The following ANKAR variants were observed in gnomAD, a reference collection of about 807,000 sequenced individuals.
The protein encoded by ANKAR is ankyrin and armadillo repeat containing, also known as ankyrin and armadillo repeat-containing protein.
Under a neutral mutation model 146.2 loss-of-function variants are expected in ANKAR, and 136 were observed. The ratio of observed to expected loss-of-function variants is 0.93; its 90% CI spans 0.81 to 1.07. ANKAR has a LOEUF of 1.07. Among genes scored for constraint, ANKAR ranks in the 50% least tolerant of loss-of-function variants. The pLI, the probability that ANKAR is intolerant of heterozygous loss-of-function variation, is 0.00. For missense variants in ANKAR, 1,567 were observed against 1,679.9 expected (o/e 0.93, Z 1.18); for synonymous variants, 500 against 575.8 (o/e 0.87, Z 1.88).
chr2:189,695,017 T>C lies in ANKAR; in HGVS notation c.1344T>C (p.Tyr448=). ...YVIYFELETF[Y]QQLYKTQWWG... is the part of the protein sequence containing the mutation. ...TCTATTTTGAACTAGAAACTTTCTA[T>C]CAGCAACTATATAAGACACAGTGGT... The change falls in exon 6 of 23, where the codon TAT becomes TAC. Residue 448 remains tyrosine, a synonymous_variant. Transcript: ENST00000684021. 6.4e-7 allele frequency: 1 copy of C among 1,561,258 alleles called. No homozygotes were observed. Among genetic ancestry groups the C allele is most frequent in the Non-Finnish European group, 8.7e-7 (1 of 1,154,002 alleles).
chr2:189,724,714 TAGAG>T (rs1363745667), intron 12 of ANKAR, among the ~76,000 whole-genome samples: 3 of 152,152 alleles, frequency 2.0e-5, no homozygotes, highest in Non-Finnish European at 2.9e-5. Flanking sequence ...AAGGCCTTAA[TAGAG>T]AGATAATTAA....
intron 7 of ANKAR, among the ~76,000 whole-genome samples, chr2:189,704,597 A>ATATATATATATATATATAT (rs2038652045): frequency 1.1e-5 from 1 of 93,392 alleles, no homozygotes; most frequent in South Asian, 3.4e-4. Context: ...ATATATATAT[A>ATATATATATATATATATAT]ATTTTAATTT....
intron 7 of ANKAR, among the ~76,000 whole-genome samples, chr2:189,698,868 C>T (rs1371701355): frequency 6.6e-6 from 1 of 151,998 alleles, no homozygotes; most frequent in Admixed American, 6.6e-5. Context: ...GGAACTGGAG[C>T]GGGAAAAAAG....
intron 9 of ANKAR, among the ~76,000 whole-genome samples, chr2:189,710,088 A>G (rs746785487): frequency 3.3e-5 from 5 of 152,196 alleles, no homozygotes; most frequent in Non-Finnish European, 7.3e-5. Flanking sequence ...AGTTTATTAG[A>G]GGTCTCAGGA....
At position 189,743,279 on chromosome 2, in the gene ANKAR, G is replaced by GTGCAGCT. The variant is rs1201602185; in HGVS notation, c.3818_3824dup (p.Ser1277LeufsTer25). The GTGCAGCT allele has an allele frequency of 9.9e-6, 16 of 1,612,818 alleles. No homozygotes were observed. Among genetic ancestry groups the GTGCAGCT allele is most frequent in the Non-Finnish European group, 1.4e-5 (16 of 1,179,304 alleles). On this transcript the variant is annotated frameshift_variant, in exon 21 of 23. Transcript: ENST00000684021. LOFTEE classifies it high-confidence loss of function. The stretch of plus-strand genomic sequence containing the variant: ...AAGAATTGTTTCTTCATTTAGGTTC[G>GTGCAGCT]TGCAGCTTGTTCCTCTGCTCTTGGC...
chr2:189,706,384 TCAACAACAACAA>T (rs529179927), intron 8 of ANKAR, among the ~76,000 whole-genome samples: 3 of 151,096 alleles, frequency 2.0e-5, no homozygotes, highest in African/African-American at 4.9e-5. Flanking sequence ...AGACTCCATC[TCAACAACAACAA>T]CAACAACAAC....
chr2:189,698,195 T>G (rs1465510032), intron 7 of ANKAR, among the ~76,000 whole-genome samples: 1 of 152,216 alleles, frequency 6.6e-6, no homozygotes, highest in Non-Finnish European at 1.5e-5. Context: ...GTATATAATC[T>G]CTAAAATACT....
intron 21 of ANKAR, among the ~76,000 whole-genome samples, chr2:189,743,953 T>C (rs1041932743): frequency 2.6e-5 from 4 of 152,186 alleles, no homozygotes; most frequent in Non-Finnish European, 5.9e-5. Flanking sequence ...TCAGAGGATT[T>C]TGACTCAATG....
intron 18 of ANKAR, among the ~76,000 whole-genome samples, chr2:189,738,215 T>G (rs1390324574): frequency 6.6e-6 from 1 of 152,212 alleles, no homozygotes; most frequent in Non-Finnish European, 1.5e-5. Context: ...ACACTGATCC[T>G]TCAACCTAGT....
intron 18 of ANKAR, among the ~76,000 whole-genome samples, chr2:189,752,485 A>G (rs556232288): frequency 1.3e-5 from 2 of 152,216 alleles, no homozygotes; most frequent in African/African-American, 4.8e-5. Flanking sequence ...CTGTAGCAAA[A>G]ATATTTCTCA....
At chr2:189,744,990 T>TCTTCTACTACTACTACTACTA (rs1553536976) in intron 22 of ANKAR, among the ~76,000 whole-genome samples, 82 of 112,412 alleles carry the variant, frequency 7.3e-4, no homozygotes, top group African/African-American at 3.1e-3. Context: ...AAACCCCATC[T>TCTTCTACTACTACTACTACTA]CTACTACTAC....
chr2:189,745,311 C>G (rs2043994963), intron 22 of ANKAR, among the ~76,000 whole-genome samples: 1 of 152,074 alleles, frequency 6.6e-6, no homozygotes, highest in African/African-American at 2.4e-5. Context: ...TCTGTAAGGC[C>G]TTCCCTATTA....
chr2:189,742,924 AC>A (rs2105900892), intron 20 of ANKAR, among the ~76,000 whole-genome samples: 1 of 100,376 alleles, frequency 1.0e-5, no homozygotes, highest in South Asian at 3.8e-4. Context: ...ACACACACAC[AC>A]ACACACACAC....
intron 20 of ANKAR, among the ~76,000 whole-genome samples, chr2:189,742,606 T>C (rs906986917): frequency 6.6e-6 from 1 of 152,128 alleles, no homozygotes; most frequent in African/African-American, 2.4e-5. Flanking sequence ...AAGATTTCTG[T>C]TACCAAGAGT....
downstream of ANKAR, chr2:189,761,441 G>A: frequency 6.2e-7 from 1 of 1,604,370 alleles, no homozygotes; most frequent in East Asian, 2.2e-5. Context: ...TTCAGTTTGG[G>A]AATGTATTGC....
At chr2:189,695,213 T>C (rs901524512) in intron 6 of ANKAR, 52 bp downstream of exon 6, 2 of 1,414,422 alleles carry the variant, frequency 1.4e-6, no homozygotes, top group Non-Finnish European at 1.9e-6. Flanking sequence ...GTATTATTGA[T>C]AAGTATGTGT....
chr2:189,733,684 C>T (rs59746136), intron 17 of ANKAR, among the ~76,000 whole-genome samples: 1,630 of 152,086 alleles, frequency 0.011, 31 homozygotes, highest in African/African-American at 0.037. Flanking sequence ...CTGGTATATC[C>T]TTCATCTAGT....
At chr2:189,679,936 G>A (rs891044744) in intron 2 of ANKAR, among the ~76,000 whole-genome samples, 1 of 152,094 alleles carries the variant, frequency 6.6e-6, no homozygotes, top group African/African-American at 2.4e-5. Flanking sequence ...TCCTTTCCTG[G>A]TTTGGATATT....
rs2044175262 is a variant in ANKAR at position 189,746,417 on chromosome 2, A to C, written c.4095A>C (p.Gln1365His). 1 of 1,607,146 alleles carries C rather than the reference A, an allele frequency of 6.2e-7. No homozygotes were observed. Among genetic ancestry groups the C allele is most frequent in the East Asian group, 2.2e-5 (1 of 44,812 alleles). Residue 1365 changes from glutamine to histidine, a missense_variant, in exon 23 of 23, where the codon CAA becomes CAC. Gln to His is a conservative substitution (Grantham distance 24, BLOSUM62 0). Transcript: ENST00000684021. ...GAAGAAAATTAAAACCTAAAATTCA[A>C]CCAAAAGATTCTTTGACTTTATTAC... ...EHRRKLKPKI[Q>H]PKDSLTLLPP...
Sources: gnomAD v4.1 joint callset for allele counts (sites outside exome capture counted in the v4.1 genomes callset) on GRCh38, gnomAD v4.1.1 for gene constraint, MANE v1.5 for transcripts, NCBI Gene and HGNC (gene_info 2026-07-23, HGNC 2026-07-21) for gene names.